The following PAQR3 variants were observed in gnomAD, a reference collection of about 807,000 sequenced individuals.
PAQR3 encodes progestin and adipoQ receptor family member 3, also known as Raf kinase trapping to Golgi.
PAQR3 carries 39 observed loss-of-function variants against 41.7 expected under a neutral mutation model. The observed-to-expected ratio is 0.93, with a 90% confidence interval of 0.72 to 1.22. The LOEUF is 1.22. Among genes scored for constraint, PAQR3 ranks in the 50% most tolerant of loss-of-function variants. The probability of loss-of-function intolerance (pLI) is 0.00; values close to 1 mark genes in which losing one functional copy is unlikely to be tolerated. For missense variants in PAQR3, 366 were observed against 385.6 expected (o/e 0.95, Z 0.42); for synonymous variants, 140 against 140.6 (o/e 1.00, Z 0.03).
At chr4:78,937,573 T>C (rs1425992608) in intron 1 of PAQR3, among the ~76,000 whole-genome samples, 1 of 152,198 alleles carries the variant, frequency 6.6e-6, no homozygotes. Flanking sequence ...GCTTATTAGG[T>C]TCCAGGCCAT....
chr4:78,937,090 C>T (rs1212932401), intron 1 of PAQR3, among the ~76,000 whole-genome samples: 1 of 152,202 alleles, frequency 6.6e-6, no homozygotes, highest in Non-Finnish European at 1.5e-5. Context: ...ATGAAAAACA[C>T]ACTTGAATGT....
In PAQR3 at chr4:78,923,866, A is replaced by C; in HGVS notation, c.784T>G (p.Tyr262Asp). ...TAAAAGAGATACCTACCTGGAAAGT[A>C]CCGCTCTGGGACTTTGGAAATGTAG... ...LFYISKVPER[Y>D]FPGQLNYLGS... The change falls in exon 5 of 6, where the codon TAC (tyrosine) becomes GAC (aspartate). Residue 262 changes from tyrosine to aspartate, a missense_variant. Physicochemically the swap from Tyr to Asp is radical, Grantham distance 160. Coordinates refer to ENST00000512733, the MANE Select transcript of PAQR3 (RefSeq NM_001040202.2). 1 of 1,607,674 alleles carries C rather than the reference A, an allele frequency of 6.2e-7. No homozygotes were observed. Among genetic ancestry groups the C allele is most frequent in the East Asian group, 2.2e-5 (1 of 44,822 alleles).
At chr4:78,900,256 T>C (rs1335279045) in intron 11 of PAQR3, among the ~76,000 whole-genome samples, 1 of 152,228 alleles carries the variant, frequency 6.6e-6, no homozygotes, top group Non-Finnish European at 1.5e-5. Flanking sequence ...ATTCAAAATA[T>C]GTTATTAGTT....
At chr4:78,910,177 C>T (rs1734510081), downstream of PAQR3, among the ~76,000 whole-genome samples, 1 of 152,124 alleles carries the variant, frequency 6.6e-6, no homozygotes, top group Non-Finnish European at 1.5e-5. Context: ...AGCAGGCAGG[C>T]TGTTCATGCT....
At position 78,935,276 on chromosome 4, in the gene PAQR3, TAAAC is replaced by T. The variant is rs1290587423; in HGVS notation, c.189_192del (p.Ile65TyrfsTer6). 6.2e-7 allele frequency: 1 copy of T among 1,608,126 alleles called. No individual in the cohort carries two copies. Among genetic ancestry groups the T allele is most frequent in the Non-Finnish European group, 8.5e-7 (1 of 1,178,490 alleles). On this transcript the variant is annotated frameshift_variant, in exon 2 of 6. Coordinates refer to ENST00000512733, the MANE Select transcript of PAQR3 (RefSeq NM_001040202.2). LOFTEE classifies it high-confidence loss of function. ...ATGTTTACTGTCTCATTAGATAAAA[TAAAC>T]AAACTGGAAAATAAACACACATGCA...
intron 5 of PAQR3, 134 bp from the exon 6 acceptor site, chr4:78,920,815 C>T (rs1213952360): frequency 2.1e-6 from 2 of 932,462 alleles, no homozygotes; most frequent in African/African-American, 3.5e-5. Context: ...ACTGGAAGCT[C>T]CAAACGTTTT....
downstream of PAQR3, chr4:78,910,618 G>A (rs182929460): frequency 4.1e-3 from 6,223 of 1,533,742 alleles, 20 homozygotes; most frequent in Non-Finnish European, 5.0e-3. Flanking sequence ...AGGTTCTCCT[G>A]AAAAGAAAGC....
chr4:78,887,550 A>C (rs1459278005), intron 12 of PAQR3, among the ~76,000 whole-genome samples: 1 of 152,194 alleles, frequency 6.6e-6, no homozygotes, highest in Non-Finnish European at 1.5e-5. Flanking sequence ...ATACTGTTGA[A>C]AAAAATATTT....
intron 4 of PAQR3, 40 bp downstream of exon 4, chr4:78,926,481 A>G: frequency 5.0e-6 from 4 of 806,222 alleles, no homozygotes; most frequent in Non-Finnish European, 6.9e-6. Context: ...AATTGAAAGG[A>G]AAAAAAAAAA....
chr4:78,930,774 T>C (rs1736776262), intron 2 of PAQR3, among the ~76,000 whole-genome samples: 1 of 132,390 alleles, frequency 7.6e-6, no homozygotes, highest in Non-Finnish European at 1.6e-5. Context: ...TTACTCAATC[T>C]ATTCCCCAGA....
rs371268215 is a variant in PAQR3 at position 78,933,469 on chromosome 4, T to G, written c.348+1652A>C. On this transcript the variant is annotated intron_variant, in intron 2 of 5. Coordinates refer to ENST00000512733, the MANE Select transcript of PAQR3 (RefSeq NM_001040202.2). ...AAATGTTATGTCTTTTAATATTAAA[T>G]GTAAATCAATATTAATAAATATATC... Among the ~76,000 whole-genome samples, 16 of 152,308 alleles carry G rather than the reference T, an allele frequency of 1.1e-4. No homozygotes were observed. In the East Asian group the frequency reaches 2.3e-3, roughly 22 times the overall value.
intron 11 of PAQR3, among the ~76,000 whole-genome samples, chr4:78,896,910 AG>A (rs1321081483): frequency 6.6e-6 from 1 of 152,176 alleles, no homozygotes; most frequent in Admixed American, 6.5e-5. Flanking sequence ...ATTTATTGCT[AG>A]ATGGGCCTAC....
At chr4:78,909,373 A>AT (rs386400585), downstream of PAQR3, among the ~76,000 whole-genome samples, 1 of 7,574 alleles carries the variant, frequency 1.3e-4, no homozygotes. Flanking sequence ...ATTTTTTTTT[A>AT]TGTAAACCTA....
At chr4:78,901,640 C>G (rs1734011660) in intron 11 of PAQR3, among the ~76,000 whole-genome samples, 1 of 152,144 alleles carries the variant, frequency 6.6e-6, no homozygotes, top group Admixed American at 6.6e-5. Context: ...CCCACATTCC[C>G]TTTCTTCTCC....
Position 78,926,615 on chromosome 4 carries a change from C to T in PAQR3, c.608G>A (p.Arg203His), listed in dbSNP as rs1412780697. Residue 203 changes from arginine (R) to histidine (H), a missense_variant, in exon 4 of 6, where the codon CGT becomes CAT. Physicochemically the swap from Arg to His is conservative, Grantham distance 29. Coordinates refer to ENST00000512733, the MANE Select transcript of PAQR3 (RefSeq NM_001040202.2). Reference sequence around the variant, plus strand: ...CGAAACAGAACAAAAGATGATAGAACGGAGCCTTTGCCATTGCTGCGTGAG... The same window carrying T: ...CGAAACAGAACAAAAGATGATAGAATGGAGCCTTTGCCATTGCTGCGTGAG... ...NYLTQQWQRL[R>H]SIIFCSVSGY... 2.5e-6 allele frequency: 4 copies of T among 1,613,768 alleles called. No homozygotes were observed. Among genetic ancestry groups the T allele is most frequent in the South Asian group, 1.1e-5 (1 of 91,078 alleles).
At chr4:78,911,864 A>AT, downstream of PAQR3, 1 of 1,613,980 alleles carries the variant, frequency 6.2e-7, no homozygotes, top group Non-Finnish European at 8.5e-7. Context: ...CCAAGACAAA[A>AT]TTCACTACAT....
intron 2 of PAQR3, 92 bp from the exon 3 acceptor site, chr4:78,930,417 T>G: frequency 7.6e-7 from 1 of 1,316,460 alleles, no homozygotes; most frequent in South Asian, 1.5e-5. Flanking sequence ...AGGCTAGGCT[T>G]TCAATTCAAA....
rs777645436 is a variant in PAQR3, at chr4:78,926,722, G to C, written c.505-4C>G. 2 of 1,611,060 alleles carry C rather than the reference G, an allele frequency of 1.2e-6. No individual in the cohort carries two copies. Among genetic ancestry groups the C allele is most frequent in the Non-Finnish European group, 1.7e-6 (2 of 1,177,468 alleles). On this transcript the variant is annotated splice_region_variant and splice_polypyrimidine_tract_variant and intron_variant, in intron 3 of 5. Transcript: ENST00000512733. ...TCAAGTACACCTGACGCCAGTACTA[G>C]AATGAAAGGAAATCACATTTTAATT...
At chr4:78,895,674 T>A (rs1201139268) in intron 11 of PAQR3, among the ~76,000 whole-genome samples, 1 of 152,146 alleles carries the variant, frequency 6.6e-6, no homozygotes, top group East Asian at 1.9e-4. Context: ...TCATATCTAT[T>A]GTTAAAGAAA....
Sources: gnomAD v4.1 joint callset for allele counts (sites outside exome capture counted in the v4.1 genomes callset) on GRCh38, gnomAD v4.1.1 for gene constraint, MANE v1.5 for transcripts, NCBI Gene and HGNC (gene_info 2026-07-23, HGNC 2026-07-21) for gene names.